The following PDE7B variants were observed in gnomAD, a reference collection of about 807,000 sequenced individuals.
PDE7B encodes 3',5'-cyclic-AMP phosphodiesterase 7B.
PDE7B carries 29 observed loss-of-function variants against 56.2 expected under a neutral mutation model. The ratio of observed to expected loss-of-function variants is 0.52; its 90% CI spans 0.38 to 0.70. The LOEUF is 0.70. PDE7B is among the 30% of genes least tolerant of loss of function. The probability of loss-of-function intolerance (pLI) is 0.00; values close to 1 mark genes in which losing one functional copy is unlikely to be tolerated. For synonymous variants in PDE7B, 197 were observed against 196.9 expected (o/e 1.00, Z 0.00); for missense variants, 490 against 565.0 (o/e 0.87, Z 1.35).
At position 135,941,169 on chromosome 6, in the gene PDE7B, A is replaced by G. The variant is rs531120832; in HGVS notation, c.22-6295A>G. ...GCCACTCTTGGGACGGACAAGATGT[A>G]CTTTACTTTCCACTAAACTTCAAAA... On this transcript the variant is annotated intron_variant, in intron 1 of 12. Coordinates refer to ENST00000308191, the MANE Select transcript of PDE7B (RefSeq NM_018945.4). Among the ~76,000 whole-genome samples, 3 of 152,328 alleles carry G rather than the reference A, an allele frequency of 2.0e-5. No individual in the cohort carries two copies. The East Asian group carries it at 5.8e-4, about 29-fold the overall frequency.
intron 2 of PDE7B, among the ~76,000 whole-genome samples, chr6:135,952,047 A>G (rs1774711738): frequency 6.6e-6 from 1 of 152,182 alleles, no homozygotes; most frequent in African/African-American, 2.4e-5. Flanking sequence ...TCATCTCTCT[A>G]GGATTCAATT....
At chr6:136,102,201 A>T (rs1010238151) in intron 2 of PDE7B, among the ~76,000 whole-genome samples, 1 of 148,582 alleles carries the variant, frequency 6.7e-6, no homozygotes, top group African/African-American at 2.4e-5. Context: ...ATACACATAA[A>T]GCCCTTCAAA....
At chr6:136,030,506 G>A (rs1411404191) in intron 2 of PDE7B, among the ~76,000 whole-genome samples, 1 of 152,198 alleles carries the variant, frequency 6.6e-6, no homozygotes, top group Non-Finnish European at 1.5e-5. Flanking sequence ...TGACATTGCT[G>A]TAGATTTCTC....
chr6:135,985,159 A>G (rs1031003486), intron 2 of PDE7B, among the ~76,000 whole-genome samples: 4 of 152,206 alleles, frequency 2.6e-5, no homozygotes, highest in African/African-American at 9.6e-5. Context: ...TCTCGTAAGA[A>G]AAGGACTGTC....
chr6:136,007,033 T>C (rs571524633), intron 2 of PDE7B, among the ~76,000 whole-genome samples: 1 of 152,186 alleles, frequency 6.6e-6, no homozygotes, highest in Admixed American at 6.5e-5. Flanking sequence ...CAGTGTAATA[T>C]TGGCTGACGG....
At chr6:135,937,603 A>G (rs1201151708) in intron 1 of PDE7B, among the ~76,000 whole-genome samples, 3 of 152,228 alleles carry the variant, frequency 2.0e-5, no homozygotes, top group African/African-American at 7.2e-5. Flanking sequence ...TACATTATTC[A>G]GAAAGTTTTC....
intron 2 of PDE7B, among the ~76,000 whole-genome samples, chr6:136,068,977 T>G (rs895603174): frequency 6.6e-6 from 1 of 152,184 alleles, no homozygotes; most frequent in Non-Finnish European, 1.5e-5. Flanking sequence ...GCATCTGTTT[T>G]GTCAGTCTTA....
chr6:136,141,414 G>T (rs1442773863), intron 3 of PDE7B, among the ~76,000 whole-genome samples: 1 of 152,116 alleles, frequency 6.6e-6, no homozygotes, highest in Non-Finnish European at 1.5e-5. Flanking sequence ...CAGGAATATT[G>T]GTCTAAAATT....
intron 2 of PDE7B, among the ~76,000 whole-genome samples, chr6:136,006,776 G>A (rs1775792620): frequency 6.6e-6 from 1 of 152,122 alleles, no homozygotes; most frequent in African/African-American, 2.4e-5. Flanking sequence ...CTGAGATTTT[G>A]CTGAAGTTGT....
intron 2 of PDE7B, among the ~76,000 whole-genome samples, chr6:136,046,614 C>T (rs1421458384): frequency 6.6e-6 from 1 of 152,152 alleles, no homozygotes; most frequent in African/African-American, 2.4e-5. Flanking sequence ...CTGGGCTCTG[C>T]CTGTGACGCT....
intron 8 of PDE7B, among the ~76,000 whole-genome samples, chr6:136,156,460 T>C (rs1312201807): frequency 6.6e-6 from 1 of 152,172 alleles, no homozygotes; most frequent in Non-Finnish European, 1.5e-5. Context: ...ACACTAGGAT[T>C]ACTGGCATGA....
At chr6:136,021,514 C>T (rs1217616962) in intron 2 of PDE7B, among the ~76,000 whole-genome samples, 1 of 152,008 alleles carries the variant, frequency 6.6e-6, no homozygotes, top group Non-Finnish European at 1.5e-5. Flanking sequence ...CGTGGTGGTG[C>T]ATGCCTGTAA....
intron 1 of PDE7B, among the ~76,000 whole-genome samples, chr6:135,861,550 ATTGT>A (rs1775146824): frequency 6.7e-6 from 1 of 149,810 alleles, no homozygotes; most frequent in Non-Finnish European, 1.5e-5. Context: ...GATACCTTTG[ATTGT>A]TATATATATT....
At chr6:136,174,392 A>T (rs1250886258) in intron 9 of PDE7B, among the ~76,000 whole-genome samples, 4 of 152,130 alleles carry the variant, frequency 2.6e-5, no homozygotes, top group Non-Finnish European at 5.9e-5. Flanking sequence ...TTTTTCACCA[A>T]TTAATTTACC....
At chr6:135,885,750 C>T (rs560998849) in intron 1 of PDE7B, among the ~76,000 whole-genome samples, 2 of 152,258 alleles carry the variant, frequency 1.3e-5, no homozygotes, top group African/African-American at 4.8e-5. Context: ...TTGTAATGAT[C>T]ATATGTGATG....
intron 3 of PDE7B, among the ~76,000 whole-genome samples, chr6:136,134,533 G>T (rs768219775): frequency 1.3e-5 from 2 of 151,976 alleles, no homozygotes; most frequent in Non-Finnish European, 2.9e-5. Flanking sequence ...GAGGAAACTT[G>T]ATCTGCTTCT....
intron 1 of PDE7B, among the ~76,000 whole-genome samples, chr6:135,874,129 G>A (rs751932956): frequency 6.6e-6 from 1 of 152,156 alleles, no homozygotes; most frequent in Non-Finnish European, 1.5e-5. Context: ...GAGACTTGAA[G>A]GAATTGAGGG....
chr6:136,073,335 A>C (rs2128214245), intron 2 of PDE7B, among the ~76,000 whole-genome samples: 1 of 152,280 alleles, frequency 6.6e-6, no homozygotes, highest in African/African-American at 2.4e-5. Context: ...AGTAAAAGTG[A>C]ATATTTTCTT....
chr6:136,132,803 G>A lies in PDE7B; in HGVS notation c.167-14548G>A, dbSNP rs1254762647. Among the ~76,000 whole-genome samples, 3 of 152,138 alleles carry A rather than the reference G, an allele frequency of 2.0e-5. No homozygotes were observed. The East Asian group carries it at 5.8e-4, about 29-fold the overall frequency. ...ACAATTCTTTCTTCTCTCTGAACTA[G>A]TTCAATGTGAAAATATATAGCTTTC... On this transcript the variant is annotated intron_variant, in intron 3 of 12. Coordinates refer to ENST00000308191, the MANE Select transcript of PDE7B (RefSeq NM_018945.4).
Sources: allele counts gnomAD v4.1 joint callset (sites outside exome capture counted in the v4.1 genomes callset), GRCh38; gene constraint gnomAD v4.1.1; transcripts MANE v1.5; gene names NCBI Gene and HGNC (gene_info 2026-07-23, HGNC 2026-07-21).